The following NR1H4 variants were observed in gnomAD, a reference collection of about 807,000 sequenced individuals.
NR1H4 encodes bile acid receptor.
A neutral mutation model predicts 58.5 loss-of-function variants in NR1H4; 23 were observed. The ratio of observed to expected loss-of-function variants is 0.39; its 90% CI spans 0.28 to 0.56. NR1H4 has a LOEUF of 0.56. Among genes scored for constraint, NR1H4 ranks in the 20% least tolerant of loss-of-function variants. NR1H4 has a pLI of 0.58. For missense variants in NR1H4, 487 were observed against 576.9 expected, an observed-to-expected ratio of 0.84 and a Z score of 1.60; for synonymous variants, 214 against 198.0, an observed-to-expected ratio of 1.08 and a Z score of -0.68.
intron 4 of NR1H4, among the ~76,000 whole-genome samples, chr12:100,514,186 G>T (rs533128766): frequency 6.6e-6 from 1 of 152,228 alleles, no homozygotes; most frequent in African/African-American, 2.4e-5. Flanking sequence ...ATTATTACAG[G>T]AATTCAAAAA....
chr12:100,523,646 A>G lies in NR1H4; in HGVS notation c.446-8812A>G, dbSNP rs556857569. Among the ~76,000 whole-genome samples, 81 of 152,280 alleles carry G rather than the reference A, an allele frequency of 5.3e-4. 1 individual carries two copies. In the Middle Eastern group the frequency reaches 0.017, roughly 32 times the overall value. ...ATGTACCTGGCACTCTTACATGCTC[A>G]GTAATCATTAGATGTGATTTTGTTG... On this transcript the variant is annotated intron_variant, in intron 4 of 10. Coordinates refer to ENST00000392986, the MANE Select transcript of NR1H4 (RefSeq NM_001206979.2).
At chr12:100,546,043 A>G (rs1250368362) in intron 9 of NR1H4, among the ~76,000 whole-genome samples, 1 of 152,070 alleles carries the variant, frequency 6.6e-6, no homozygotes, top group Non-Finnish European at 1.5e-5. Context: ...CTGAATGGAC[A>G]AGCACTAACA....
At chr12:100,480,214 C>T (rs142043150) in intron 1 of NR1H4, among the ~76,000 whole-genome samples, 111 of 152,294 alleles carry the variant, frequency 7.3e-4, no homozygotes, top group African/African-American at 2.4e-3. Context: ...AATCCTCACA[C>T]TACTACCATT....
intron 4 of NR1H4, among the ~76,000 whole-genome samples, chr12:100,513,962 G>A (rs1954198690): frequency 6.6e-6 from 1 of 152,180 alleles, no homozygotes; most frequent in Admixed American, 6.5e-5. Flanking sequence ...GAAACCAACT[G>A]CTGATCTACA....
At chr12:100,539,200 A>T (rs2136248142) in intron 8 of NR1H4, among the ~76,000 whole-genome samples, 1 of 152,372 alleles carries the variant, frequency 6.6e-6, no homozygotes, top group Admixed American at 6.5e-5. Flanking sequence ...GTAAAGCAGA[A>T]GGAAAAAATT....
chr12:100,538,418 T>C (rs1954861070), intron 8 of NR1H4, among the ~76,000 whole-genome samples: 1 of 152,084 alleles, frequency 6.6e-6, no homozygotes, highest in South Asian at 2.1e-4. Context: ...CAAAAATCGA[T>C]AGGGCTTGAG....
chr12:100,554,655 T>C (rs1955282910), intron 9 of NR1H4, among the ~76,000 whole-genome samples: 3 of 152,164 alleles, frequency 2.0e-5, no homozygotes, highest in Non-Finnish European at 4.4e-5. Flanking sequence ...ATTTTCAGAC[T>C]TTTCCATGGC....
At chr12:100,550,007 T>C (rs1955168737) in intron 9 of NR1H4, among the ~76,000 whole-genome samples, 1 of 152,206 alleles carries the variant, frequency 6.6e-6, no homozygotes, top group South Asian at 2.1e-4. Context: ...TTTATGCCTA[T>C]GCAACTCTTT....
intron 9 of NR1H4, among the ~76,000 whole-genome samples, chr12:100,547,074 T>C (rs544336534): frequency 6.6e-5 from 10 of 152,262 alleles, no homozygotes; most frequent in African/African-American, 2.4e-4. Flanking sequence ...TTATGGAAAA[T>C]TGTCTTGTAC....
At chr12:100,495,958 C>T (rs1225041201) in intron 3 of NR1H4, among the ~76,000 whole-genome samples, 1 of 152,090 alleles carries the variant, frequency 6.6e-6, no homozygotes, top group African/African-American at 2.4e-5. Flanking sequence ...CTAAGCTACG[C>T]CAGGGGTTCA....
rs1261331548 is a variant in NR1H4 at position 100,563,758 on chromosome 12, A to G, written c.*269A>G. 4.6e-6 allele frequency: 2 copies of G among 438,954 alleles called. No homozygotes were observed. Among genetic ancestry groups the G allele is most frequent in the Non-Finnish European group, 8.1e-6 (2 of 246,364 alleles). The allele number at this position is 438,954 out of a possible 1,614,324, so 27.2% of individuals were successfully genotyped here. On this transcript the variant is annotated 3_prime_UTR_variant, in exon 11 of 11. Transcript: ENST00000392986. ...TTAAATTGATTGTTACTTCAATTCTATCTGTTGAACTAGGGAAAATCTCAT... is the reference window on the plus strand; with the variant it reads ...TTAAATTGATTGTTACTTCAATTCTGTCTGTTGAACTAGGGAAAATCTCAT...
intron 9 of NR1H4, among the ~76,000 whole-genome samples, chr12:100,555,497 G>A (rs1158986890): frequency 1.3e-5 from 2 of 152,122 alleles, no homozygotes; most frequent in Non-Finnish European, 2.9e-5. Flanking sequence ...AAAGACAAAA[G>A]TTCACACGTT....
chr12:100,480,433 C>G (rs1953354444), intron 1 of NR1H4, among the ~76,000 whole-genome samples: 5 of 152,142 alleles, frequency 3.3e-5, no homozygotes, highest in Admixed American at 3.3e-4. Context: ...AGTGGGAAAT[C>G]TTAGATCTAT....
Position 100,532,457 on chromosome 12 carries a change from G to T in NR1H4, c.446-1G>T, listed in dbSNP as rs2136227708. 1 of 1,614,042 alleles carries T rather than the reference G, an allele frequency of 6.2e-7. No homozygotes were observed. The highest frequency in any genetic ancestry group is 2.2e-5 in the East Asian group (1 of 44,872). ...TACACTTTTCAGTGTTTCTCCCACA[G>T]GTTTCTTCAGGAGAAGCATTACCAA... On this transcript the variant is annotated splice_acceptor_variant, in intron 4 of 10. Coordinates refer to ENST00000392986, the MANE Select transcript of NR1H4 (RefSeq NM_001206979.2). LOFTEE classifies it high-confidence loss of function.
chr12:100,530,504 C>T (rs1286040386), intron 4 of NR1H4, among the ~76,000 whole-genome samples: 1 of 152,158 alleles, frequency 6.6e-6, no homozygotes, highest in Admixed American at 6.5e-5. Context: ...GACATGAAGA[C>T]ACTAGATGCT....
intron 9 of NR1H4, among the ~76,000 whole-genome samples, chr12:100,549,587 G>C (rs560279457): frequency 6.6e-6 from 1 of 151,974 alleles, no homozygotes; most frequent in African/African-American, 2.4e-5. Context: ...TAATCAAAAA[G>C]AAAAAAATCT....
chr12:100,519,894 G>A (rs899179432), intron 4 of NR1H4, among the ~76,000 whole-genome samples: 2 of 152,144 alleles, frequency 1.3e-5, no homozygotes, highest in Non-Finnish European at 2.9e-5. Context: ...TGGTCTTCAG[G>A]ATTGGGGGCT....
intron 4 of NR1H4, among the ~76,000 whole-genome samples, chr12:100,516,050 A>T (rs1423666746): frequency 6.6e-6 from 1 of 152,238 alleles, no homozygotes; most frequent in Non-Finnish European, 1.5e-5. Context: ...CGTAAAAATC[A>T]TATCCAAAAT....
At chr12:100,486,386 T>C (rs1953492651) in intron 1 of NR1H4, among the ~76,000 whole-genome samples, 1 of 152,160 alleles carries the variant, frequency 6.6e-6, no homozygotes, top group East Asian at 1.9e-4. Context: ...CATTAATTAC[T>C]ATACAAGGAG....
Sources: gnomAD v4.1 joint callset for allele counts (sites outside exome capture counted in the v4.1 genomes callset) on GRCh38, gnomAD v4.1.1 for gene constraint, MANE v1.5 for transcripts, NCBI Gene and HGNC (gene_info 2026-07-23, HGNC 2026-07-21) for gene names.